Variants in NUDCD1 observed in about 807,000 individuals in gnomAD.
NUDCD1 encodes nudC domain-containing protein 1.
In NUDCD1, 60 loss-of-function variants were observed where a neutral mutation model predicts 67.8. The ratio of observed to expected loss-of-function variants is 0.88; its 90% CI spans 0.72 to 1.10. The LOEUF is 1.10. Ranked by LOEUF, NUDCD1 falls within the 50% of genes least tolerant of loss-of-function variation. The pLI is 0.00. For synonymous variants in NUDCD1, 244 were observed against 230.8 expected, an observed-to-expected ratio of 1.06 and a Z score of -0.52; for missense variants, 643 against 695.0, an observed-to-expected ratio of 0.93 and a Z score of 0.84.
Position 109,322,355 on chromosome 8 carries a change from T to C in NUDCD1, c.227A>G (p.Tyr76Cys), listed in dbSNP as rs945180151. ...AATTCTTCCAAGGGTATCAATATAG[T>C]AGACACTGTCTTGATACCATGAATC... is the stretch of plus-strand genomic sequence containing the variant. ...HCDSWYQDSV[Y>C]YIDTLGRIMN... The change falls in exon 2 of 10, where the codon TAC (tyrosine) becomes TGC (cysteine). Residue 76 changes from tyrosine to cysteine, a missense_variant. Physicochemically the swap from Tyr to Cys is radical, Grantham distance 194 (BLOSUM62 -2). Transcript: ENST00000239690. The C allele has an allele frequency of 6.9e-6, 11 of 1,582,894 alleles. No individual in the cohort carries two copies. The highest frequency in any genetic ancestry group is 8.7e-6 in the Non-Finnish European group (10 of 1,153,280).
intron 2 of NUDCD1, among the ~76,000 whole-genome samples, chr8:109,302,080 C>T (rs1419984965): frequency 1.3e-5 from 2 of 152,204 alleles, no homozygotes; most frequent in Admixed American, 6.5e-5. Context: ...ACCTTCCACC[C>T]TCCATTCCTC....
chr8:109,297,675 A>G (rs1029282180), intron 2 of NUDCD1, among the ~76,000 whole-genome samples: 2 of 152,206 alleles, frequency 1.3e-5, no homozygotes, highest in African/African-American at 2.4e-5. Context: ...CAGCTCCAGA[A>G]CTCAGAGAAA....
chr8:109,282,693 G>A (rs1267866111), intron 5 of NUDCD1, among the ~76,000 whole-genome samples: 3 of 148,508 alleles, frequency 2.0e-5, no homozygotes, highest in Admixed American at 6.7e-5. Flanking sequence ...GGGGTGGGGG[G>A]CTAGGGGAGG....
intron 7 of NUDCD1, among the ~76,000 whole-genome samples, chr8:109,271,865 G>A (rs528790972): frequency 1.5e-4 from 23 of 151,938 alleles, no homozygotes; most frequent in South Asian, 8.3e-4. Context: ...TATGTAGGCC[G>A]GAATACAATG....
At chr8:109,271,358 G>C (rs1443913774) in intron 7 of NUDCD1, among the ~76,000 whole-genome samples, 2 of 152,054 alleles carry the variant, frequency 1.3e-5, no homozygotes, top group Non-Finnish European at 2.9e-5. Flanking sequence ...AGATGTAAAG[G>C]AAAACATAAC....
At chr8:109,265,798 A>C (rs79743311) in intron 8 of NUDCD1, among the ~76,000 whole-genome samples, 3,687 of 152,062 alleles carry the variant, frequency 0.024, 138 homozygotes, top group African/African-American at 0.084. Flanking sequence ...GTTCACAATA[A>C]CGCCATTTTG....
intron 1 of NUDCD1, among the ~76,000 whole-genome samples, chr8:109,331,267 G>C (rs1270647896): frequency 1.3e-5 from 2 of 151,994 alleles, no homozygotes; most frequent in Non-Finnish European, 2.9e-5. Flanking sequence ...CCGGGAGGCG[G>C]AAGTTGCAGT....
At chr8:109,305,100 T>C (rs1815073297) in intron 2 of NUDCD1, among the ~76,000 whole-genome samples, 1 of 152,132 alleles carries the variant, frequency 6.6e-6, no homozygotes, top group African/African-American at 2.4e-5. Context: ...CCATCTGCTA[T>C]TCTAGTACTC....
In NUDCD1 at chr8:109,326,169, G is replaced by C. The variant is rs182524261; in HGVS notation, c.119-3706C>G. Among the ~76,000 whole-genome samples, 20 of 152,278 alleles carry C rather than the reference G, an allele frequency of 1.3e-4. No homozygotes were observed. In the East Asian group the frequency reaches 3.7e-3, roughly 28 times the overall value. ...CTGGGCAATCCTGAACAAACTGGAG[G>C]CTTCTTAGACATCAGTCTTATTACA... On this transcript the variant is annotated intron_variant, in intron 1 of 9. Transcript: ENST00000239690.
chr8:109,259,148 T>G (rs1813808084), intron 8 of NUDCD1, among the ~76,000 whole-genome samples: 1 of 152,166 alleles, frequency 6.6e-6, no homozygotes, highest in South Asian at 2.1e-4. Context: ...ATAACGCAAA[T>G]AACCTAGGAA....
chr8:109,301,215 G>T (rs754019906), intron 2 of NUDCD1, among the ~76,000 whole-genome samples: 4 of 152,184 alleles, frequency 2.6e-5, no homozygotes, highest in Non-Finnish European at 5.9e-5. Flanking sequence ...ACTGTGATTT[G>T]TTCCTGCCCC....
chr8:109,265,243 T>C (rs1813967396), intron 8 of NUDCD1, among the ~76,000 whole-genome samples: 1 of 152,110 alleles, frequency 6.6e-6, no homozygotes, highest in Non-Finnish European at 1.5e-5. Context: ...TATTCATTAC[T>C]TTGAATGACT....
intron 6 of NUDCD1, 90 bp downstream of exon 6, chr8:109,280,878 G>C (rs1814418800): frequency 1.7e-6 from 1 of 581,764 alleles, no homozygotes; most frequent in Admixed American, 3.1e-5. Flanking sequence ...CAGAACTATT[G>C]TATTAATCTC....
chr8:109,300,712 T>C (rs769210224), intron 2 of NUDCD1, among the ~76,000 whole-genome samples: 7 of 152,202 alleles, frequency 4.6e-5, no homozygotes, highest in Non-Finnish European at 1.0e-4. Flanking sequence ...CCAGCCTTGC[T>C]AGATACCTAG....
intron 6 of NUDCD1, among the ~76,000 whole-genome samples, chr8:109,280,100 T>A (rs1042951625): frequency 1.3e-5 from 2 of 152,236 alleles, no homozygotes; most frequent in Non-Finnish European, 2.9e-5. Flanking sequence ...TGAAATAATA[T>A]GTATATAAAC....
At chr8:109,303,906 G>A (rs1232150988) in intron 2 of NUDCD1, among the ~76,000 whole-genome samples, 2 of 151,982 alleles carry the variant, frequency 1.3e-5, no homozygotes, top group Admixed American at 1.3e-4. Flanking sequence ...CATTTCACCT[G>A]TCCAAAAACT....
rs761383628 is a variant in NUDCD1 at position 109,289,939 on chromosome 8, A to AG, written c.641-7dup. ...AATTTCATATTTTTTATTATCTGTA[A>AG]GAAAAGTATTTCAGAACAAAACATT... On this transcript the variant is annotated splice_polypyrimidine_tract_variant and splice_region_variant and intron_variant, in intron 4 of 9. Coordinates refer to ENST00000239690, the MANE Select transcript of NUDCD1 (RefSeq NM_032869.4). 42 of 1,372,050 alleles carry AG rather than the reference A, an allele frequency of 3.1e-5. No individual in the cohort carries two copies. The African/African-American group carries it at 4.7e-4, about 15-fold the overall frequency. 85.0% of individuals were successfully genotyped at this position (1,372,050 alleles called of 1,614,324 possible). A position where few individuals can be genotyped will look rare whatever the true frequency, so the allele number is the denominator to read the frequency against.
intron 2 of NUDCD1, among the ~76,000 whole-genome samples, chr8:109,319,001 A>C (rs1382913269): frequency 2.9e-5 from 4 of 139,942 alleles, no homozygotes; most frequent in African/African-American, 8.1e-5. Flanking sequence ...TCTGTGGCCC[A>C]GGCTGGAGTG....
At chr8:109,259,348 C>T (rs996078554) in intron 8 of NUDCD1, among the ~76,000 whole-genome samples, 1 of 152,202 alleles carries the variant, frequency 6.6e-6, no homozygotes, top group Non-Finnish European at 1.5e-5. Flanking sequence ...ATAAACTATC[C>T]TTTGTGTCTG....
Sources: gnomAD v4.1 joint callset for allele counts (sites outside exome capture counted in the v4.1 genomes callset) on GRCh38, gnomAD v4.1.1 for gene constraint, MANE v1.5 for transcripts, NCBI Gene and HGNC (gene_info 2026-07-23, HGNC 2026-07-21) for gene names.